Variants in TMTC1 observed in about 807,000 individuals in gnomAD.
The protein encoded by TMTC1 is transmembrane O-mannosyltransferase targeting cadherins 1.
Under a neutral mutation model 104.8 loss-of-function variants are expected in TMTC1, and 73 were observed. The ratio of observed to expected loss-of-function variants is 0.70; its 90% CI spans 0.58 to 0.85. TMTC1 has a LOEUF of 0.85. Among genes scored for constraint, TMTC1 ranks in the 40% least tolerant of loss-of-function variants. TMTC1 has a pLI of 0.00. For synonymous variants in TMTC1, 434 were observed against 428.7 expected (o/e 1.01, Z -0.15); for missense variants, 1,035 against 1,096.1 (o/e 0.94, Z 0.79).
At chr12:29,675,621 CA>C (rs1380503343) in intron 5 of TMTC1, among the ~76,000 whole-genome samples, 1 of 79,250 alleles carries the variant, frequency 1.3e-5, no homozygotes, top group Non-Finnish European at 2.4e-5. Flanking sequence ...CACACACACA[CA>C]CACACACACC....
At chr12:29,643,991 A>C (rs1265303634) in intron 5 of TMTC1, among the ~76,000 whole-genome samples, 2 of 80,962 alleles carry the variant, frequency 2.5e-5, no homozygotes, top group Non-Finnish European at 4.6e-5. Context: ...ATAAATATAT[A>C]ATTTATATAT....
chr12:29,551,378 C>T (rs934468382), intron 10 of TMTC1, among the ~76,000 whole-genome samples: 1 of 152,128 alleles, frequency 6.6e-6, no homozygotes, highest in African/African-American at 2.4e-5. Flanking sequence ...TTTCTGCCTC[C>T]TAATATTTTT....
intron 10 of TMTC1, among the ~76,000 whole-genome samples, chr12:29,549,602 T>C (rs1431941342): frequency 6.6e-6 from 1 of 151,844 alleles, no homozygotes; most frequent in Non-Finnish European, 1.5e-5. Flanking sequence ...AGGCAAGATA[T>C]TAATAAGGCT....
intron 7 of TMTC1, among the ~76,000 whole-genome samples, chr12:29,601,842 T>C (rs1946574145): frequency 6.6e-6 from 1 of 150,892 alleles, no homozygotes; most frequent in Non-Finnish European, 1.5e-5. Flanking sequence ...TCATCTCTTT[T>C]TTTTTTTTTT....
intron 5 of TMTC1, among the ~76,000 whole-genome samples, chr12:29,727,827 A>G (rs1403582060): frequency 2.0e-5 from 3 of 151,978 alleles, no homozygotes; most frequent in Admixed American, 6.6e-5. Flanking sequence ...GGGTCTCACT[A>G]TTGACCAGGC....
At chr12:29,769,458 G>C (rs1476950311) in intron 1 of TMTC1, among the ~76,000 whole-genome samples, 7 of 152,160 alleles carry the variant, frequency 4.6e-5, no homozygotes, top group African/African-American at 1.7e-4. Flanking sequence ...AAAGGAATAG[G>C]CAGTGAACTA....
intron 16 of TMTC1, 113 bp from the exon 17 acceptor site, chr12:29,512,233 C>A: frequency 2.7e-6 from 2 of 745,384 alleles, no homozygotes; most frequent in Non-Finnish European, 2.2e-6. Flanking sequence ...ATGAAACCAG[C>A]CGCTACTAGT....
Position 29,686,854 on chromosome 12 carries a change from GT to G in TMTC1, c.939-53519del, listed in dbSNP as rs1366817523. On this transcript the variant is annotated intron_variant, in intron 5 of 17. Coordinates refer to ENST00000539277, the MANE Select transcript of TMTC1 (RefSeq NM_001193451.2). The stretch of plus-strand genomic sequence containing the variant: ...CTCATCTCTATATAAATTATTTGAA[GT>G]TTTTTTTGTCTTAGTGCTGTATCAC... 9.9e-5 allele frequency among the ~76,000 whole-genome samples: 15 copies of G among 151,876 alleles called. 1 individual carries two copies. Among genetic ancestry groups the G allele is most frequent in the Admixed American group, 9.8e-4 (15 of 15,252 alleles).
Position 29,783,656 on chromosome 12 carries a change from CA to C in TMTC1, c.95del (p.Leu32ArgfsTer27). 7.2e-7 allele frequency: 1 copy of C among 1,395,864 alleles called. No homozygotes were observed. The highest frequency in any genetic ancestry group is 1.6e-5 in the South Asian group (1 of 63,148). The allele number at this position is 1,395,864 out of a possible 1,614,324, so 86.5% of individuals were successfully genotyped here. A position where few individuals can be genotyped will look rare whatever the true frequency, so the allele number is the denominator to read the frequency against. On this transcript the variant is annotated frameshift_variant, in exon 1 of 18. Coordinates refer to ENST00000539277, the MANE Select transcript of TMTC1 (RefSeq NM_001193451.2). LOFTEE classifies it high-confidence loss of function. This position sits in a 1 kb window ranked among gnomAD's most constrained non-coding sequence, Gnocchi z 4.7. ...AGCACAGGCAGCTTGCCCCGGCCAGCAGCGCCGCGGCCCCGGCCGGCGCTAG... is the reference window on the plus strand; with the variant it reads ...AGCACAGGCAGCTTGCCCCGGCCAGCGCGCCGCGGCCCCGGCCGGCGCTAG... ...CGLAPAGAAA[L>X]LAGASCLCYG...
chr12:29,679,433 T>C (rs1411754403), intron 5 of TMTC1, among the ~76,000 whole-genome samples: 17 of 152,052 alleles, frequency 1.1e-4, no homozygotes, highest in Admixed American at 1.1e-3. Flanking sequence ...TTCTTACAAA[T>C]TAAAAATAAG....
intron 6 of TMTC1, among the ~76,000 whole-genome samples, chr12:29,631,392 C>G (rs10771555): frequency 6.6e-6 from 1 of 151,932 alleles, no homozygotes; most frequent in East Asian, 1.9e-4. Context: ...ATTTTTAGGA[C>G]TATGATCCAC....
At chr12:29,582,046 A>T (rs543747707) in intron 8 of TMTC1, among the ~76,000 whole-genome samples, 2 of 152,364 alleles carry the variant, frequency 1.3e-5, no homozygotes, top group African/African-American at 4.8e-5. Flanking sequence ...CGCTGAAATG[A>T]TCATAATGAC....
chr12:29,763,247 G>C (rs1365304986), intron 2 of TMTC1, among the ~76,000 whole-genome samples: 1 of 152,110 alleles, frequency 6.6e-6, no homozygotes, highest in Non-Finnish European at 1.5e-5. Context: ...GCTCAAAGAG[G>C]GTGTTCAAAT....
At chr12:29,643,688 ATATTATATATATTATATATTAT>A (rs1939036457) in intron 5 of TMTC1, among the ~76,000 whole-genome samples, 1 of 16,818 alleles carries the variant, frequency 5.9e-5, no homozygotes, top group Admixed American at 1.3e-3. Flanking sequence ...TATATTATAT[ATATTATATATATTATATATTAT>A]ATATATAATA....
intron 5 of TMTC1, among the ~76,000 whole-genome samples, chr12:29,685,439 T>C (rs73271771): frequency 0.011 from 1,718 of 150,808 alleles, 40 homozygotes; most frequent in African/African-American, 0.04. Flanking sequence ...ACATTAAAAA[T>C]TGTAGTGCTT....
At chr12:29,759,680 G>C (rs981320470) in intron 2 of TMTC1, among the ~76,000 whole-genome samples, 5 of 152,098 alleles carry the variant, frequency 3.3e-5, no homozygotes, top group African/African-American at 9.7e-5. Flanking sequence ...CCACGAAAGA[G>C]AACACCAGCT....
At chr12:29,600,910 T>TG (rs1423776983) in intron 7 of TMTC1, among the ~76,000 whole-genome samples, 1 of 152,218 alleles carries the variant, frequency 6.6e-6, no homozygotes, top group Non-Finnish European at 1.5e-5. Flanking sequence ...AAGGCATAGA[T>TG]GCAGGAACTT....
At chr12:29,624,620 C>T (rs1190606907) in intron 6 of TMTC1, among the ~76,000 whole-genome samples, 1 of 152,200 alleles carries the variant, frequency 6.6e-6, no homozygotes, top group Non-Finnish European at 1.5e-5. Context: ...TTGGAATGCT[C>T]TTCCCCAAAC....
chr12:29,660,877 C>A, intron 5 of TMTC1: 1 of 1,499,736 alleles, frequency 6.7e-7, no homozygotes, highest in South Asian at 1.3e-5. Flanking sequence ...GCTGCTTGCT[C>A]TCAGATACCT....
Sources: allele counts gnomAD v4.1 joint callset (sites outside exome capture counted in the v4.1 genomes callset), GRCh38; gene constraint gnomAD v4.1.1; non-coding constraint Gnocchi (gnomAD v3.1); transcripts MANE v1.5; gene names NCBI Gene and HGNC (gene_info 2026-07-23, HGNC 2026-07-21).